The following AP1G1 variants were observed in gnomAD, a reference collection of about 807,000 sequenced individuals.
The protein encoded by AP1G1 is AP-1 complex subunit gamma-1.
A neutral mutation model predicts 108.3 loss-of-function variants in AP1G1; 7 were observed. The ratio of observed to expected loss-of-function variants is 0.06; its 90% CI spans 0.04 to 0.12. AP1G1 has a LOEUF of 0.12. Ranked by LOEUF, AP1G1 falls within the 10% of genes least tolerant of loss-of-function variation. The pLI is 1.00. For missense variants in AP1G1, 756 were observed against 1,010.7 expected (o/e 0.75, Z 3.42); for synonymous variants, 379 against 353.5 (o/e 1.07, Z -0.81).
intron 1 of AP1G1, among the ~76,000 whole-genome samples, chr16:71,800,945 A>C (rs2032774049): frequency 6.6e-6 from 1 of 151,120 alleles, no homozygotes. Flanking sequence ...CGGTGAGCTG[A>C]GATCACGCCA....
intron 21 of AP1G1, among the ~76,000 whole-genome samples, chr16:71,735,439 G>A (rs746069135): frequency 1.1e-4 from 17 of 152,050 alleles, no homozygotes; most frequent in Non-Finnish European, 1.9e-4. Context: ...CAAGGCGAGC[G>A]GATCACGAGG....
chr16:71,760,587 T>C (rs1333017865), intron 10 of AP1G1, among the ~76,000 whole-genome samples: 2 of 149,858 alleles, frequency 1.3e-5, no homozygotes, highest in African/African-American at 4.9e-5. Flanking sequence ...CTGTGTCACC[T>C]AGACTGGAAT....
chr16:71,786,594 G>A (rs2032210205), intron 2 of AP1G1, among the ~76,000 whole-genome samples: 1 of 152,046 alleles, frequency 6.6e-6, no homozygotes, highest in South Asian at 2.1e-4. Context: ...CTGAGTAGCT[G>A]GGACTACAGG....
chr16:71,757,714 T>C (rs186079224), intron 11 of AP1G1, among the ~76,000 whole-genome samples: 1 of 152,280 alleles, frequency 6.6e-6, no homozygotes, highest in Admixed American at 6.5e-5. Context: ...GCAGTCTGGC[T>C]CCAGAGTCTA....
Position 71,807,237 on chromosome 16 carries a change from GCA to G in AP1G1, c.-4+1524_-4+1525del, listed in dbSNP as rs2033025714. ...GCTCAGGAGTTCGAGATCTGCCTGG[GCA>G]ACATGATGAAACCCCATCTCTACTA... On this transcript the variant is annotated intron_variant, in intron 1 of 22. Transcript: ENST00000299980. 2.6e-5 allele frequency among the ~76,000 whole-genome samples: 4 copies of G among 152,280 alleles called. No homozygotes were observed. The South Asian group carries it at 8.3e-4, about 32-fold the overall frequency.
chr16:71,793,711 G>T (rs1214311462), intron 1 of AP1G1, among the ~76,000 whole-genome samples: 1 of 152,060 alleles, frequency 6.6e-6, no homozygotes, highest in Non-Finnish European at 1.5e-5. Flanking sequence ...TTGAGACAGG[G>T]TCTCACTCTG....
chr16:71,729,170 T>TA lies in AP1G1; in HGVS notation c.*3887dup, dbSNP rs2045455084. ...TCATTTAACTTTAAATTTTTTTTTT[T>TA]ACATCTCAAAAATATGTCTGCAATA... On this transcript the variant is annotated 3_prime_UTR_variant, in exon 23 of 23. Transcript: ENST00000299980. 1 of 152,374 alleles carries TA rather than the reference T, an allele frequency of 6.6e-6. No individual in the cohort carries two copies. The highest frequency in any genetic ancestry group is 6.6e-5 in the Admixed American group (1 of 15,240). The allele number at this position is 152,374 out of a possible 1,614,324, so 9.4% of individuals were successfully genotyped here.
intron 16 of AP1G1, among the ~76,000 whole-genome samples, chr16:71,747,692 AACTTTTAGGCCAGGTGGAGTGGGTCAC>A (rs2030256224): frequency 6.6e-6 from 1 of 152,182 alleles, no homozygotes; most frequent in African/African-American, 2.4e-5. Context: ...CTAAAAACGT[AACTTTTAGGCCAGGTGGAGTGGGTCAC>A]ATCTGTAATC....
At chr16:71,742,174 C>A (rs545259371) in intron 19 of AP1G1, 1 of 152,062 alleles carries the variant, frequency 6.6e-6, no homozygotes, top group East Asian at 1.9e-4. Context: ...GAAAACAAGA[C>A]AGTAGGAACA....
intron 1 of AP1G1, among the ~76,000 whole-genome samples, chr16:71,801,774 T>G (rs1365334826): frequency 6.6e-6 from 1 of 151,954 alleles, no homozygotes; most frequent in African/African-American, 2.4e-5. Context: ...TACAAAAAAT[T>G]AGCCAGGCGT....
intron 11 of AP1G1, chr16:71,756,388 C>T (rs888664219): frequency 7.5e-6 from 3 of 402,258 alleles, no homozygotes; most frequent in Non-Finnish European, 1.3e-5. Context: ...TTCAAAAGTC[C>T]CTACGAGATA....
chr16:71,806,708 G>T (rs1469299730), intron 1 of AP1G1: 1 of 1,288,658 alleles, frequency 7.8e-7, no homozygotes. Context: ...CATTACATAG[G>T]TGTTCAGTGT....
intron 2 of AP1G1, among the ~76,000 whole-genome samples, chr16:71,786,648 A>G (rs1026052080): frequency 1.3e-5 from 2 of 152,032 alleles, no homozygotes; most frequent in Admixed American, 6.6e-5. Flanking sequence ...TTTAGTAGAG[A>G]GGGGGTTCCA....
chr16:71,753,560 G>C (rs1266635364), intron 13 of AP1G1: 1 of 414,202 alleles, frequency 2.4e-6, no homozygotes, highest in East Asian at 4.8e-5. Flanking sequence ...ATGTCTCTTA[G>C]GTCTCTACTC....
chr16:71,776,294 C>T (rs968987160), intron 2 of AP1G1, among the ~76,000 whole-genome samples: 1 of 152,234 alleles, frequency 6.6e-6, no homozygotes, highest in Non-Finnish European at 1.5e-5. Context: ...ACTATACTAT[C>T]ACGAGCATTT....
chr16:71,745,339 C>G, intron 18 of AP1G1, 69 bp from the exon 19 acceptor site: 1 of 1,600,560 alleles, frequency 6.2e-7, no homozygotes, highest in Admixed American at 1.7e-5. Flanking sequence ...ATGCAAAGCT[C>G]TTTCAATATG....
intron 21 of AP1G1, among the ~76,000 whole-genome samples, chr16:71,735,668 A>T (rs1286140002): frequency 1.3e-5 from 2 of 152,126 alleles, no homozygotes; most frequent in African/African-American, 4.8e-5. Flanking sequence ...AAAAAAAAAA[A>T]AAGTGCTATA....
chr16:71,775,072 G>C (rs1472755427), intron 2 of AP1G1, among the ~76,000 whole-genome samples: 1 of 126,584 alleles, frequency 7.9e-6, no homozygotes, highest in East Asian at 2.3e-4. Flanking sequence ...TGTCGCCCAG[G>C]CTAGAGTGCA....
intron 22 of AP1G1, among the ~76,000 whole-genome samples, chr16:71,733,382 C>T (rs535624466): frequency 6.6e-6 from 1 of 152,314 alleles, no homozygotes; most frequent in South Asian, 2.1e-4. Flanking sequence ...CTGCAGAATA[C>T]ACGGTTAGCT....
Sources: allele counts gnomAD v4.1 joint callset (sites outside exome capture counted in the v4.1 genomes callset), GRCh38; gene constraint gnomAD v4.1.1; transcripts MANE v1.5; gene names NCBI Gene and HGNC (gene_info 2026-07-23, HGNC 2026-07-21).